Variants in POLD3 observed in about 807,000 individuals in gnomAD.
The protein encoded by POLD3 is DNA polymerase delta 3, accessory subunit.
POLD3 carries 19 observed loss-of-function variants against 58.2 expected under a neutral mutation model. That is an observed-to-expected ratio of 0.33 (90% CI 0.23 to 0.48). The LOEUF is 0.48. Among genes scored for constraint, POLD3 ranks in the 20% least tolerant of loss-of-function variants. The pLI, the probability that POLD3 is intolerant of heterozygous loss-of-function variation, is 0.99. For synonymous variants in POLD3, 172 were observed against 193.5 expected (o/e 0.89, Z 0.92); for missense variants, 504 against 545.5 (o/e 0.92, Z 0.76).
chr11:74,651,793 C>G (rs2033071719), intron 4 of POLD3, among the ~76,000 whole-genome samples: 1 of 152,158 alleles, frequency 6.6e-6, no homozygotes, highest in South Asian at 2.1e-4. Flanking sequence ...GAGAGGGAGG[C>G]TGGGCCAGAT....
chr11:74,617,961 C>T (rs949675313), intron 5 of POLD3, among the ~76,000 whole-genome samples: 4 of 152,174 alleles, frequency 2.6e-5, no homozygotes, highest in South Asian at 4.1e-4. Context: ...TTAAGCGATC[C>T]GCCCGCCTCA....
chr11:74,668,743 TAG>T (rs546315811), intron 4 of POLD3: 417 of 1,276,066 alleles, frequency 3.3e-4, no homozygotes, highest in Non-Finnish European at 4.2e-4. Context: ...GGAAGATATA[TAG>T]AGTTTTCCTT....
intron 2 of POLD3, among the ~76,000 whole-genome samples, chr11:74,596,440 C>T (rs2031261730): frequency 6.6e-6 from 1 of 152,104 alleles, no homozygotes. Context: ...CCCGCCTCGG[C>T]CTTCTAAAGT....
intron 7 of POLD3, among the ~76,000 whole-genome samples, chr11:74,623,446 A>G (rs895258909): frequency 6.6e-6 from 1 of 152,124 alleles, no homozygotes; most frequent in African/African-American, 2.4e-5. Context: ...AAAAATATAT[A>G]AATAAATAAA....
intron 5 of POLD3, among the ~76,000 whole-genome samples, chr11:74,618,237 C>T (rs201803304): frequency 0.21 from 1,526 of 7,438 alleles, 12 homozygotes; most frequent in Middle Eastern, 0.5. Flanking sequence ...TTATCAAAAA[C>T]AAGAATATTC....
At chr11:74,596,353 T>G (rs1013987729) in intron 2 of POLD3, among the ~76,000 whole-genome samples, 5 of 151,424 alleles carry the variant, frequency 3.3e-5, no homozygotes, top group African/African-American at 1.2e-4. Flanking sequence ...CCGGCTAATT[T>G]TATTGTATTT....
Position 74,658,306 on chromosome 11 carries a change from C to A in POLD3, c.370-10471C>A, listed in dbSNP as rs555291784. Among the ~76,000 whole-genome samples, 216 of 152,222 alleles carry A rather than the reference C, an allele frequency of 1.4e-3. 1 individual carries two copies. Among genetic ancestry groups the A allele is most frequent in the African/African-American group, 5.0e-3 (208 of 41,522 alleles). On this transcript the variant is annotated intron_variant, in intron 4 of 4. Coordinates refer to the POLD3 transcript ENST00000524752. ...AAGACTGGCCCCCATGATTCAATTA[C>A]CTCCCCCGGGGTCCCTCCCACAATA...
chr11:74,653,623 A>G (rs2033096336), intron 4 of POLD3, among the ~76,000 whole-genome samples: 2 of 152,256 alleles, frequency 1.3e-5, no homozygotes, highest in South Asian at 4.1e-4. Context: ...ATGTTAGAAA[A>G]GAAGGAAAAA....
At chr11:74,648,399 A>T (rs1000168060) in intron 4 of POLD3, among the ~76,000 whole-genome samples, 1 of 152,130 alleles carries the variant, frequency 6.6e-6, no homozygotes, top group Admixed American at 6.5e-5. Flanking sequence ...CTACTGTACC[A>T]TGTCCTTCCT....
At chr11:74,608,498 G>T (rs2031775135) in intron 3 of POLD3, among the ~76,000 whole-genome samples, 1 of 152,120 alleles carries the variant, frequency 6.6e-6, no homozygotes, top group South Asian at 2.1e-4. Flanking sequence ...GTTATGCTAA[G>T]AACAGAGGGC....
At chr11:74,650,967 AGT>A (rs1473745077) in intron 4 of POLD3, among the ~76,000 whole-genome samples, 4 of 152,234 alleles carry the variant, frequency 2.6e-5, no homozygotes, top group African/African-American at 9.6e-5. Flanking sequence ...TCGGGCAGAC[AGT>A]GTGGTGTAGT....
Position 74,629,220 on chromosome 11 carries a change from G to A in POLD3, c.903G>A (p.Gly301=). The A allele has an allele frequency of 6.3e-7, 1 of 1,581,396 alleles. No homozygotes were observed. The highest frequency in any genetic ancestry group is 8.6e-7 in the Non-Finnish European group (1 of 1,157,370). ...ATTTATTTCTGGATGGCAACAGGGG[G>A]AAGCGAGTAGCATTATCTGATGATG... is the stretch of plus-strand genomic sequence containing the variant. ...VKVLQKEKKR[G]KRVALSDDET... is the part of the protein sequence containing the mutation. The change falls in exon 9 of 12, where the codon GGG becomes GGA. Residue 301 remains glycine (G), a synonymous_variant. Coordinates refer to ENST00000263681, the MANE Select transcript of POLD3 (RefSeq NM_006591.3).
chr11:74,626,184 C>G lies in POLD3; in HGVS notation c.899+611C>G, dbSNP rs969848363. On this transcript the variant is annotated intron_variant, in intron 8 of 11. Transcript: ENST00000263681. The stretch of plus-strand genomic sequence containing the variant: ...CTTTTGTGGCAAGTTTGGGACTACT[C>G]TCGTTGAAAACATCAACAAAATGGT... Among the ~76,000 whole-genome samples the G allele has an allele frequency of 2.0e-5, 3 of 152,138 alleles. No individual in the cohort carries two copies. The South Asian group carries it at 6.2e-4, about 32-fold the overall frequency.
At chr11:74,626,750 T>C (rs947364338) in intron 8 of POLD3, among the ~76,000 whole-genome samples, 2 of 152,208 alleles carry the variant, frequency 1.3e-5, no homozygotes, top group African/African-American at 4.8e-5. Context: ...AGATTACTCA[T>C]GCGCTGCATA....
At position 74,618,565 on chromosome 11, in the gene POLD3, G is replaced by A. The variant is rs576775242; in HGVS notation, c.421G>A (p.Val141Ile). 3.2e-5 allele frequency: 52 copies of A among 1,613,132 alleles called. No individual in the cohort carries two copies. The highest frequency in any genetic ancestry group is 1.7e-4 in the Middle Eastern group (1 of 6,058). ...TAGTGCTATACAATGTGCAGCTGCC[G>A]TCCCTAGAGCTCCTGCTGAATCCTC... ...KFSAIQCAAAVPRAPAESSSS... is the reference protein window; with the variant it reads ...KFSAIQCAAAIPRAPAESSSS... Residue 141 changes from valine (V) to isoleucine (I), a missense_variant, in exon 6 of 12, where the codon GTC (valine) becomes ATC (isoleucine). Physicochemically the swap from Val to Ile is conservative, Grantham distance 29 (BLOSUM62 3). Transcript: ENST00000263681.
chr11:74,634,793 C>A, intron 10 of POLD3, 98 bp downstream of exon 10: 1 of 722,446 alleles, frequency 1.4e-6, no homozygotes. Flanking sequence ...GTATACTTCA[C>A]AAATGCCAGT....
intron 7 of POLD3, among the ~76,000 whole-genome samples, chr11:74,623,299 T>C (rs11236175): frequency 6.6e-6 from 1 of 151,444 alleles, no homozygotes; most frequent in Admixed American, 6.6e-5. Flanking sequence ...GCTGGGCCTG[T>C]TGGTGGGCGC....
intron 5 of POLD3, among the ~76,000 whole-genome samples, chr11:74,614,461 A>C (rs2032017215): frequency 6.6e-6 from 1 of 152,244 alleles, no homozygotes; most frequent in Non-Finnish European, 1.5e-5. Context: ...CTGTAATCCC[A>C]GCACTTTGGG....
chr11:74,652,287 G>T (rs1191470478), intron 4 of POLD3, among the ~76,000 whole-genome samples: 1 of 152,172 alleles, frequency 6.6e-6, no homozygotes, highest in Non-Finnish European at 1.5e-5. Flanking sequence ...TATCTTTGAT[G>T]CCCATTTTAG....
Sources: allele counts gnomAD v4.1 joint callset (sites outside exome capture counted in the v4.1 genomes callset), GRCh38; gene constraint gnomAD v4.1.1; transcripts MANE v1.5; gene names NCBI Gene and HGNC (gene_info 2026-07-23, HGNC 2026-07-21).